GRID2: variants seen among roughly 807,000 people sequenced by gnomAD.
GRID2 encodes the protein glutamate ionotropic receptor delta type subunit 2.
In GRID2, 33 loss-of-function variants were observed where a neutral mutation model predicts 114.8. The observed-to-expected ratio is 0.29, with a 90% CI of 0.22 to 0.38. GRID2 has a LOEUF of 0.38. Ranked by LOEUF, GRID2 falls within the 10% of genes least tolerant of loss-of-function variation. The pLI, the probability that GRID2 is intolerant of heterozygous loss-of-function variation, is 1.00. For missense variants in GRID2, 1,184 were observed against 1,257.7 expected, an observed-to-expected ratio of 0.94 and a Z score of 0.89; for synonymous variants, 505 against 449.9, an observed-to-expected ratio of 1.12 and a Z score of -1.55.
chr4:93,729,423 A>G (rs1021818687), intron 14 of GRID2, among the ~76,000 whole-genome samples: 5 of 152,110 alleles, frequency 3.3e-5, no homozygotes, highest in African/African-American at 1.2e-4. Context: ...CACCACCTCT[A>G]TACTCCAACA....
chr4:93,516,332 T>C (rs764964654), intron 13 of GRID2, among the ~76,000 whole-genome samples: 63 of 152,230 alleles, frequency 4.1e-4, no homozygotes, highest in Non-Finnish European at 7.6e-4. Flanking sequence ...TCCAGCATTA[T>C]TCTCTGCTTT....
Position 93,449,270 on chromosome 4 carries a change from A to G in GRID2, c.1546-6392A>G, listed in dbSNP as rs998285688. Among the ~76,000 whole-genome samples the G allele has an allele frequency of 2.0e-5, 3 of 152,048 alleles. No individual in the cohort carries two copies. The East Asian group carries it at 5.9e-4, about 30-fold the overall frequency. On this transcript the variant is annotated intron_variant, in intron 10 of 15. Transcript: ENST00000282020. Reference sequence around the variant, plus strand: ...TGTGTGCCAAAACTCTTCAGTAACTATTTTCCTTCTGCTTTCTGTAGAAAA... The same window carrying G: ...TGTGTGCCAAAACTCTTCAGTAACTGTTTTCCTTCTGCTTTCTGTAGAAAA...
At position 93,613,309 on chromosome 4, in the gene GRID2, G is replaced by A. The variant is rs1306731040; in HGVS notation, c.2194-12960G>A. Among the ~76,000 whole-genome samples the A allele has an allele frequency of 5.1e-5, 7 of 136,862 alleles. No individual in the cohort carries two copies. The Admixed American group carries it at 5.2e-4, about 10-fold the overall frequency. 89.8% of individuals were successfully genotyped at this position (136,862 alleles called of 152,430 possible). A position where few individuals can be genotyped will look rare whatever the true frequency, so the allele number is the denominator to read the frequency against. On this transcript the variant is annotated intron_variant, in intron 13 of 15. Coordinates refer to ENST00000282020, the MANE Select transcript of GRID2 (RefSeq NM_001510.4). ...GATCGTCTGAAGCCTTCTTCTCTCA[G>A]CTCGTCAAAATCATTCTCCATCCAG...
chr4:92,583,168 C>A (rs534311955), intron 1 of GRID2, among the ~76,000 whole-genome samples: 1 of 152,034 alleles, frequency 6.6e-6, no homozygotes, highest in Non-Finnish European at 1.5e-5. Context: ...AGTTACTTAA[C>A]CTGAGTTTCA....
rs139193613 is a variant in GRID2 at position 93,384,208 on chromosome 4, G to A, written c.1246-11399G>A. Among the ~76,000 whole-genome samples, 7 of 152,190 alleles carry A rather than the reference G, an allele frequency of 4.6e-5. No individual in the cohort carries two copies. In the East Asian group the frequency reaches 5.8e-4, roughly 13 times the overall value. ...TCCTATTCATGAGGGAAGAACCCTC[G>A]TGAATTAATCACCTTCTTAAATCTT... is the stretch of plus-strand genomic sequence containing the variant. On this transcript the variant is annotated intron_variant, in intron 8 of 15. Transcript: ENST00000282020.
chr4:92,365,720 T>TA (rs1260150075), intron 1 of GRID2, among the ~76,000 whole-genome samples: 28 of 152,050 alleles, frequency 1.8e-4, no homozygotes, highest in African/African-American at 6.8e-4. Flanking sequence ...ATTGTATACA[T>TA]ACATCAAAAG....
chr4:93,741,367 A>G (rs1731404571), intron 14 of GRID2, among the ~76,000 whole-genome samples: 1 of 151,652 alleles, frequency 6.6e-6, no homozygotes, highest in Non-Finnish European at 1.5e-5. Flanking sequence ...CTTACCCTTT[A>G]ACCTGATAAT....
At chr4:93,559,912 A>G (rs1734722440) in intron 13 of GRID2, among the ~76,000 whole-genome samples, 2 of 152,150 alleles carry the variant, frequency 1.3e-5, no homozygotes, top group African/African-American at 4.8e-5. Flanking sequence ...AAAAAGGATG[A>G]GTTCATATCT....
At chr4:92,369,203 C>T (rs1484344129) in intron 1 of GRID2, among the ~76,000 whole-genome samples, 1 of 151,978 alleles carries the variant, frequency 6.6e-6, no homozygotes, top group Non-Finnish European at 1.5e-5. Context: ...CATCTTTTGA[C>T]TCAATGACCT....
At chr4:93,567,810 T>C (rs1418067131) in intron 13 of GRID2, among the ~76,000 whole-genome samples, 2 of 152,150 alleles carry the variant, frequency 1.3e-5, no homozygotes, top group African/African-American at 2.4e-5. Flanking sequence ...TGTTGATGGA[T>C]TTTAGAGGCA....
chr4:92,986,837 T>A (rs1259359036), intron 2 of GRID2, among the ~76,000 whole-genome samples: 1 of 152,202 alleles, frequency 6.6e-6, no homozygotes, highest in Admixed American at 6.5e-5. Context: ...ATAAAGTCCT[T>A]GTCCTCAAAG....
chr4:92,850,101 C>T (rs1191339909), intron 2 of GRID2, among the ~76,000 whole-genome samples: 1 of 151,052 alleles, frequency 6.6e-6, no homozygotes, highest in Non-Finnish European at 1.5e-5. Context: ...TCAAAGTTCA[C>T]TAATACTATT....
chr4:93,404,187 TCA>T (rs1164749933), intron 9 of GRID2, among the ~76,000 whole-genome samples: 1 of 152,104 alleles, frequency 6.6e-6, no homozygotes, highest in Non-Finnish European at 1.5e-5. Context: ...CTATAGGGAC[TCA>T]CAGGGGCAAA....
At chr4:93,034,277 A>G (rs1724709823) in intron 2 of GRID2, among the ~76,000 whole-genome samples, 1 of 152,236 alleles carries the variant, frequency 6.6e-6, no homozygotes. Context: ...CTCAAATAAT[A>G]GAAGGCAATA....
chr4:92,981,337 C>G (rs1460191422), intron 2 of GRID2, among the ~76,000 whole-genome samples: 2 of 151,942 alleles, frequency 1.3e-5, no homozygotes, highest in African/African-American at 4.8e-5. Flanking sequence ...GACATAATAA[C>G]CACTCTGTTC....
rs143450573 is a variant in GRID2 at position 93,744,746 on chromosome 4, C to T, written c.2361-24464C>T. Among the ~76,000 whole-genome samples the T allele has an allele frequency of 4.6e-3, 693 of 152,306 alleles. 6 individuals are homozygous for T. The highest frequency in any genetic ancestry group is 0.016 in the African/African-American group (652 of 41,572). ...TGACTCCATTTCAAAAGACATTCTA[C>T]TGTGGATAAAATGCTATCAAACAGC... On this transcript the variant is annotated intron_variant, in intron 14 of 15. Coordinates refer to ENST00000282020, the MANE Select transcript of GRID2 (RefSeq NM_001510.4).
intron 2 of GRID2, among the ~76,000 whole-genome samples, chr4:92,723,987 T>C (rs934770367): frequency 2.0e-5 from 3 of 152,186 alleles, no homozygotes; most frequent in African/African-American, 7.2e-5. Context: ...CACTGTGAAT[T>C]AGATATATTA....
intron 2 of GRID2, among the ~76,000 whole-genome samples, chr4:92,863,228 A>AC (rs1744648969): frequency 6.6e-6 from 1 of 152,056 alleles, no homozygotes; most frequent in African/African-American, 2.4e-5. Flanking sequence ...TTTCCTACAC[A>AC]CATATCGTTT....
intron 4 of GRID2, among the ~76,000 whole-genome samples, chr4:93,131,145 ATTT>A (rs34215461): frequency 0.36 from 31,947 of 88,328 alleles, 4,054 homozygotes; most frequent in Admixed American, 0.49. Context: ...AGATTAAATA[ATTT>A]TTTTTTTTTT....
Sources: allele counts gnomAD v4.1 joint callset (sites outside exome capture counted in the v4.1 genomes callset), GRCh38; gene constraint gnomAD v4.1.1; transcripts MANE v1.5; gene names NCBI Gene and HGNC (gene_info 2026-07-23, HGNC 2026-07-21).